Variants in MRAP2 observed in about 807,000 individuals in gnomAD.
MRAP2 encodes the protein melanocortin-2 receptor accessory protein 2.
A neutral mutation model predicts 17.4 loss-of-function variants in MRAP2; 20 were observed. That is an observed-to-expected ratio of 1.15 (90% CI 0.81 to 1.67). The LOEUF (loss-of-function observed/expected upper bound fraction) is 1.67. MRAP2 is among the 40% of genes most tolerant of loss of function. The probability of loss-of-function intolerance (pLI) is 0.00; values close to 1 mark genes in which losing one functional copy is unlikely to be tolerated. For missense variants in MRAP2, 238 were observed against 240.0 expected (o/e 0.99, Z 0.05); for synonymous variants, 96 against 88.4 (o/e 1.09, Z -0.48).
chr6:84,136,477 A>G, the MRAP2 span, among the ~76,000 whole-genome samples: 63 of 152,354 alleles, frequency 4.1e-4, no homozygotes, highest in African/African-American at 1.5e-3. Context: ...CTGCTTGAAC[A>G]TCAACTAAAT....
At chr6:84,107,018 C>T in the MRAP2 span, among the ~76,000 whole-genome samples, 1 of 152,130 alleles carries the variant, frequency 6.6e-6, no homozygotes, top group African/African-American at 2.4e-5. Context: ...AAGGCTTGAG[C>T]TTCAATTCAC....
Position 84,033,792 on chromosome 6 carries a change from T to C in MRAP2, c.-99T>C, listed in dbSNP as rs2099485174. 3.0e-6 allele frequency: 3 copies of C among 985,932 alleles called. No homozygotes were observed. Among genetic ancestry groups the C allele is most frequent in the Non-Finnish European group, 3.6e-6 (3 of 830,768 alleles). The allele number at this position is 985,932 out of a possible 1,614,324, so 61.1% of individuals were successfully genotyped here. A position where few individuals can be genotyped will look rare whatever the true frequency, so the allele number is the denominator to read the frequency against. On this transcript the variant is annotated 5_prime_UTR_variant, in exon 1 of 4. Transcript: ENST00000257776. ...GAGCTACTCGCCCGGCCCTGGGCGGTGGGAGGCGGCGGCGGCGGCGGCGCT... is the reference window on the plus strand; with the variant it reads ...GAGCTACTCGCCCGGCCCTGGGCGGCGGGAGGCGGCGGCGGCGGCGGCGCT...
In MRAP2 at chr6:84,041,434, C is replaced by T. The variant is rs1032606672; in HGVS notation, c.-8+7551C>T. 2.3e-4 allele frequency among the ~76,000 whole-genome samples: 35 copies of T among 152,230 alleles called. 1 individual carries two copies. The highest frequency in any genetic ancestry group is 7.2e-4 in the African/African-American group (30 of 41,452). ...CAGTGGGGCACTGCCTAGTGGAGTTCTGAGAAGAGGGCCACTGTCCTCCAG... is the reference window on the plus strand; with the variant it reads ...CAGTGGGGCACTGCCTAGTGGAGTTTTGAGAAGAGGGCCACTGTCCTCCAG... On this transcript the variant is annotated intron_variant, in intron 1 of 3. Transcript: ENST00000257776.
chr6:84,050,870 C>G (rs2099490243), intron 1 of MRAP2, among the ~76,000 whole-genome samples: 3 of 152,150 alleles, frequency 2.0e-5, no homozygotes, highest in African/African-American at 7.2e-5. Context: ...TAGGTCTTCC[C>G]CTGTACAAAC....
At chr6:84,124,093 C>T in the MRAP2 span, 1 of 151,968 alleles carries the variant, frequency 6.6e-6, no homozygotes, top group East Asian at 1.9e-4. Flanking sequence ...GAAAAGGGAA[C>T]ATGAATACTC....
intron 3 of MRAP2, among the ~76,000 whole-genome samples, chr6:84,087,195 T>G (rs1344345759): frequency 6.6e-6 from 1 of 152,150 alleles, no homozygotes; most frequent in South Asian, 2.1e-4. Context: ...TAGGGAGACA[T>G]GAGACATCGA....
At chr6:84,072,998 T>TC (rs2099496593) in intron 3 of MRAP2, among the ~76,000 whole-genome samples, 1 of 151,996 alleles carries the variant, frequency 6.6e-6, no homozygotes, top group African/African-American at 2.4e-5. Context: ...CAGGCTACCC[T>TC]CCCCGCAGCT....
intron 3 of MRAP2, among the ~76,000 whole-genome samples, chr6:84,078,414 C>T (rs1409316072): frequency 1.3e-5 from 2 of 152,136 alleles, no homozygotes; most frequent in Non-Finnish European, 2.9e-5. Context: ...GAGAAATGCA[C>T]ATTAAAGTCA....
At chr6:84,040,355 A>G (rs933745333) in intron 1 of MRAP2, among the ~76,000 whole-genome samples, 12 of 152,232 alleles carry the variant, frequency 7.9e-5, no homozygotes, top group Admixed American at 4.6e-4. Context: ...TATTGGCAGC[A>G]TGAGAATGGA....
the MRAP2 span, among the ~76,000 whole-genome samples, chr6:84,104,019 A>G: frequency 6.6e-6 from 1 of 152,204 alleles, no homozygotes; most frequent in African/African-American, 2.4e-5. Flanking sequence ...CTCTTCTCCT[A>G]TAGATTTCCC....
At chr6:84,137,919 C>G in the MRAP2 span, among the ~76,000 whole-genome samples, 1 of 152,090 alleles carries the variant, frequency 6.6e-6, no homozygotes, top group South Asian at 2.1e-4. Flanking sequence ...TTGCAGCAGA[C>G]ATAATTTTAA....
chr6:84,042,750 G>A (rs1431099221), intron 1 of MRAP2, among the ~76,000 whole-genome samples: 1 of 152,228 alleles, frequency 6.6e-6, no homozygotes, highest in African/African-American at 2.4e-5. Context: ...AGGTTGCAGT[G>A]GGTGCAGTAG....
At chr6:84,109,959 C>A in the MRAP2 span, among the ~76,000 whole-genome samples, 1 of 152,120 alleles carries the variant, frequency 6.6e-6, no homozygotes, top group Non-Finnish European at 1.5e-5. Context: ...GCATAGTATT[C>A]CATGGTGTAT....
chr6:84,051,354 G>T (rs1184798296), intron 1 of MRAP2, among the ~76,000 whole-genome samples: 1 of 152,200 alleles, frequency 6.6e-6, no homozygotes, highest in Non-Finnish European at 1.5e-5. Flanking sequence ...TCAGGAGTTT[G>T]TAGACCAGCC....
intron 3 of MRAP2, 50 bp from the exon 4 acceptor site, chr6:84,089,041 G>C (rs1168736879): frequency 1.9e-6 from 3 of 1,544,238 alleles, no homozygotes; most frequent in African/African-American, 2.8e-5. Flanking sequence ...TGATTCTGCA[G>C]GTGAATGGGC....
intron 1 of MRAP2, among the ~76,000 whole-genome samples, chr6:84,040,176 TTTCC>T (rs1397331300): frequency 3.3e-5 from 5 of 152,294 alleles, no homozygotes; most frequent in African/African-American, 9.6e-5. Flanking sequence ...CATAAGAGGC[TTTCC>T]CTCTCTTCAC....
the MRAP2 span, among the ~76,000 whole-genome samples, chr6:84,111,642 T>G: frequency 6.6e-6 from 1 of 152,220 alleles, no homozygotes; most frequent in African/African-American, 2.4e-5. Context: ...AATACTGTGT[T>G]GAATAGGAGT....
intron 1 of MRAP2, among the ~76,000 whole-genome samples, chr6:84,049,360 G>A (rs1390587489): frequency 6.6e-6 from 1 of 152,084 alleles, no homozygotes; most frequent in Non-Finnish European, 1.5e-5. Flanking sequence ...AGGAGGCGGA[G>A]GTTGCAGTGA....
intron 2 of MRAP2, among the ~76,000 whole-genome samples, chr6:84,058,950 C>G (rs1405859298): frequency 6.6e-6 from 1 of 151,818 alleles, no homozygotes; most frequent in Non-Finnish European, 1.5e-5. Flanking sequence ...GGAATTGGTT[C>G]AAGAAAAAAT....
Sources: gnomAD v4.1 joint callset for allele counts (sites outside exome capture counted in the v4.1 genomes callset) on GRCh38, gnomAD v4.1.1 for gene constraint, MANE v1.5 for transcripts, NCBI Gene and HGNC (gene_info 2026-07-23, HGNC 2026-07-21) for gene names.